Variants in HELB observed in about 807,000 individuals in gnomAD.
HELB encodes DNA helicase B.
Under a neutral mutation model 101.7 loss-of-function variants are expected in HELB, and 96 were observed. That is an observed-to-expected ratio of 0.94 (90% CI 0.80 to 1.12). HELB has a LOEUF of 1.12. HELB is among the 50% of genes most tolerant of loss of function. The pLI, the probability that HELB is intolerant of heterozygous loss-of-function variation, is 0.00. For synonymous variants in HELB, 437 were observed against 459.7 expected (o/e 0.95, Z 0.63); for missense variants, 1,210 against 1,291.9 (o/e 0.94, Z 0.97).
At chr12:66,321,091 G>T (rs1332160343) in intron 7 of HELB, among the ~76,000 whole-genome samples, 2 of 152,150 alleles carry the variant, frequency 1.3e-5, no homozygotes, top group Non-Finnish European at 1.5e-5. Context: ...GGCTCAGCAG[G>T]CAGCTAAGTT....
At chr12:66,330,015 G>C (rs1275457230) in intron 11 of HELB, among the ~76,000 whole-genome samples, 2 of 152,214 alleles carry the variant, frequency 1.3e-5, no homozygotes, top group Admixed American at 6.5e-5. Flanking sequence ...AGATAGAAGA[G>C]CTTGCTGAGC....
chr12:66,310,589 A>G lies in HELB; in HGVS notation c.1661A>G (p.His554Arg). The G allele has an allele frequency of 1.2e-6, 2 of 1,612,852 alleles. No individual in the cohort carries two copies. Among genetic ancestry groups the G allele is most frequent in the Admixed American group, 1.7e-5 (1 of 59,692 alleles). Residue 554 changes from histidine (H) to arginine (R), a missense_variant, in exon 4 of 13, where the codon CAT becomes CGT. His to Arg is a conservative substitution (Grantham distance 29, BLOSUM62 0). This residue lies in a region of HELB where 740 missense variants were observed against 728.8 expected (regional missense o/e 1.02). Coordinates refer to ENST00000247815, the MANE Select transcript of HELB (RefSeq NM_001370285.1). ...TTACTAAGACAGAAAACTGGTCTTC[A>G]TGCCTACACACTGTGTCAGGTAAAA... The part of the protein sequence containing the change: ...AGLLRQKTGL[H>R]AYTLCQVNYS...
Position 66,309,807 on chromosome 12 carries a change from T to C in HELB, c.879T>C (p.Asn293=), listed in dbSNP as rs1293097186. ...LLQLMTDLEK[N]ALIMYSRLKQ... ...AGCTGATGACTGATTTGGAGAAGAATGCATTAATAATGTATTCCAGACTGA... is the reference window on the plus strand; with the variant it reads ...AGCTGATGACTGATTTGGAGAAGAACGCATTAATAATGTATTCCAGACTGA... Residue 293 remains asparagine, a synonymous_variant, in exon 4 of 13, where the codon AAT becomes AAC. Transcript: ENST00000247815. 1 of 1,613,940 alleles carries C rather than the reference T, an allele frequency of 6.2e-7. No individual in the cohort carries two copies. The highest frequency in any genetic ancestry group is 1.3e-5 in the African/African-American group (1 of 74,938).
intron 6 of HELB, among the ~76,000 whole-genome samples, chr12:66,316,487 C>T (rs1215945805): frequency 2.0e-5 from 3 of 152,036 alleles, no homozygotes; most frequent in African/African-American, 4.8e-5. Context: ...AGTCTTTTGG[C>T]TTCCCTGGGC....
intron 3 of HELB, among the ~76,000 whole-genome samples, chr12:66,309,497 G>A (rs1253942980): frequency 6.6e-6 from 1 of 152,074 alleles, no homozygotes; most frequent in Non-Finnish European, 1.5e-5. Flanking sequence ...AAAACTGTGT[G>A]TTAGTGTGAT....
At chr12:66,328,599 C>A (rs1349391256) in intron 11 of HELB, among the ~76,000 whole-genome samples, 1 of 152,096 alleles carries the variant, frequency 6.6e-6, no homozygotes, top group Non-Finnish European at 1.5e-5. Context: ...CATTGGAAAA[C>A]TTCTGTATGT....
intron 4 of HELB, among the ~76,000 whole-genome samples, chr12:66,312,110 A>C (rs2053551750): frequency 6.6e-6 from 1 of 152,228 alleles, no homozygotes; most frequent in Admixed American, 6.5e-5. Flanking sequence ...AAGTATTTTG[A>C]CTTATCTCAT....
At position 66,313,899 on chromosome 12, in the gene HELB, G is replaced by A. The variant is rs909776072; in HGVS notation, c.1681-87G>A. On this transcript the variant is annotated intron_variant, in intron 4 of 12. Coordinates refer to ENST00000247815, the MANE Select transcript of HELB (RefSeq NM_001370285.1). Reference sequence around the variant, plus strand: ...TTCCCACCCACCCCTGCCAATTTACGAGTTTTGCCCCAAAATAACTTGCTA... The same window carrying A: ...TTCCCACCCACCCCTGCCAATTTACAAGTTTTGCCCCAAAATAACTTGCTA... 58 of 1,201,266 alleles carry A rather than the reference G, an allele frequency of 4.8e-5. No homozygotes were observed. The Admixed American group carries it at 6.8e-4, about 14-fold the overall frequency. The allele number at this position is 1,201,266 out of a possible 1,614,324, so 74.4% of individuals were successfully genotyped here. A position where few individuals can be genotyped will look rare whatever the true frequency, so the allele number is the denominator to read the frequency against.
At chr12:66,318,254 G>A (rs2053632401) in intron 6 of HELB, among the ~76,000 whole-genome samples, 1 of 152,102 alleles carries the variant, frequency 6.6e-6, no homozygotes, top group Non-Finnish European at 1.5e-5. Flanking sequence ...CACTATACTT[G>A]ACTAAACCTC....
rs552955756 is a variant in HELB, at chr12:66,316,437, A to G, written c.2000+1054A>G. On this transcript the variant is annotated intron_variant, in intron 6 of 12. Transcript: ENST00000247815. ...TTACAAAATGTTTTGTTGCTTGAAC[A>G]TCTCCTAAGTAGGATGTAGCAGAAA... Among the ~76,000 whole-genome samples the G allele has an allele frequency of 3.3e-5, 5 of 152,264 alleles. No individual in the cohort carries two copies. The South Asian group carries it at 8.3e-4, about 25-fold the overall frequency.
intron 2 of HELB, among the ~76,000 whole-genome samples, chr12:66,305,534 G>A (rs2136986127): frequency 6.6e-6 from 1 of 152,272 alleles, no homozygotes; most frequent in African/African-American, 2.4e-5. Context: ...TTGAGCGCAG[G>A]AGATCGAGAC....
At chr12:66,334,313 T>A (rs1565645457) in intron 12 of HELB, among the ~76,000 whole-genome samples, 2 of 151,550 alleles carry the variant, frequency 1.3e-5, no homozygotes, top group Non-Finnish European at 2.9e-5. Flanking sequence ...TAGTAAAAAA[T>A]TAGCTGAACT....
At position 66,310,043 on chromosome 12, in the gene HELB, A is replaced by G. The variant is rs763273859; in HGVS notation, c.1115A>G (p.Lys372Arg). The G allele has an allele frequency of 1.2e-6, 2 of 1,614,204 alleles. No individual in the cohort carries two copies. Among genetic ancestry groups the G allele is most frequent in the Non-Finnish European group, 1.7e-6 (2 of 1,180,046 alleles). ...AIAFSICDLM[K>R]KPPWHLCVDV... is the part of the protein sequence containing the mutation. ...GCCTTTTCAATTTGTGACCTGATGA[A>G]GAAACCTCCTTGGCATTTATGTGTC... Residue 372 changes from lysine to arginine, a missense_variant, in exon 4 of 13, where the codon AAG (lysine) becomes AGG (arginine). Lys to Arg is a conservative substitution (Grantham distance 26). Around this residue, in one of 2 missense-constraint regions of HELB, gnomAD observed 470 missense variants for 563.1 expected, o/e 0.83. Transcript: ENST00000247815.
chr12:66,315,227 CT>C lies in HELB; in HGVS notation c.1859-8del. On this transcript the variant is annotated splice_polypyrimidine_tract_variant and intron_variant, in intron 5 of 12. Transcript: ENST00000247815. ...CTCAGAGTAAGTCTTGCTACTGTAT[CT>C]TTTTTTCTTTTAGGTGACATTAGAC... 5.2e-6 allele frequency: 8 copies of C among 1,531,404 alleles called. No homozygotes were observed. The highest frequency in any genetic ancestry group is 4.7e-5 in the East Asian group (2 of 42,448). The allele number at this position is 1,531,404 out of a possible 1,614,324, so 94.9% of individuals were successfully genotyped here. A position where few individuals can be genotyped will look rare whatever the true frequency, so the allele number is the denominator to read the frequency against.
intron 12 of HELB, among the ~76,000 whole-genome samples, chr12:66,334,214 C>T (rs893518768): frequency 3.4e-5 from 5 of 149,036 alleles, no homozygotes; most frequent in Admixed American, 6.7e-5. Flanking sequence ...GTAATTCCAA[C>T]ACCTTCAGGA....
Position 66,331,565 on chromosome 12 carries a change from G to C in HELB, c.3082G>C (p.Asp1028His). The C allele has an allele frequency of 1.2e-6, 2 of 1,613,434 alleles. No individual in the cohort carries two copies. Among genetic ancestry groups the C allele is most frequent in the Non-Finnish European group, 1.7e-6 (2 of 1,179,692 alleles). The change falls in exon 12 of 13, where the codon GAT becomes CAT. Residue 1028 changes from aspartate to histidine, a missense_variant. Coordinates refer to ENST00000247815, the MANE Select transcript of HELB (RefSeq NM_001370285.1). ...QLSSPDGVDT[D>H]DDLPKSRASK... ...ATCTTCACCTGATGGAGTAGATACA[G>C]ATGATGATTTACCAAAATCGCGAGC...
chr12:66,328,578 C>G (rs139717586), intron 11 of HELB, among the ~76,000 whole-genome samples: 235 of 152,142 alleles, frequency 1.5e-3, no homozygotes, highest in African/African-American at 5.3e-3. Context: ...ACAAAAGTTA[C>G]TAGATACAGT....
At chr12:66,337,589 G>A (rs1308610020) in intron 12 of HELB, among the ~76,000 whole-genome samples, 1 of 151,422 alleles carries the variant, frequency 6.6e-6, no homozygotes, top group Non-Finnish European at 1.5e-5. Context: ...CAGGCAACAT[G>A]GGCAGTCCTC....
chr12:66,305,698 T>C (rs765933761), intron 2 of HELB, among the ~76,000 whole-genome samples: 3 of 151,486 alleles, frequency 2.0e-5, no homozygotes, highest in Admixed American at 6.6e-5. Context: ...TGAGCCATGA[T>C]TGCACCACTG....
Sources: gnomAD v4.1 joint callset for allele counts (sites outside exome capture counted in the v4.1 genomes callset) on GRCh38, gnomAD v4.1.1 for gene constraint, gnomAD v4.1.1 regional missense constraint, MANE v1.5 for transcripts, NCBI Gene and HGNC (gene_info 2026-07-23, HGNC 2026-07-21) for gene names.